Variants in TXLNB observed in about 807,000 individuals in gnomAD.
TXLNB encodes taxilin beta.
A neutral mutation model predicts 57.4 loss-of-function variants in TXLNB; 37 were observed. The observed-to-expected ratio is 0.64, with a 90% CI of 0.50 to 0.85. The LOEUF is 0.85. TXLNB is among the 40% of genes least tolerant of loss of function. The probability of loss-of-function intolerance (pLI) is 0.00; values close to 1 mark genes in which losing one functional copy is unlikely to be tolerated. For missense variants in TXLNB, 848 were observed against 825.6 expected, an observed-to-expected ratio of 1.03 and a Z score of -0.33; for synonymous variants, 302 against 309.6, an observed-to-expected ratio of 0.98 and a Z score of 0.26.
At chr6:139,323,860 G>A in the TXLNB span, among the ~76,000 whole-genome samples, 2 of 152,132 alleles carry the variant, frequency 1.3e-5, no homozygotes, top group Non-Finnish European at 2.9e-5. Context: ...CTCAAAATTA[G>A]GCAGCTGTGG....
At chr6:139,313,206 G>A in the TXLNB span, among the ~76,000 whole-genome samples, 1 of 151,842 alleles carries the variant, frequency 6.6e-6, no homozygotes, top group Admixed American at 6.6e-5. Flanking sequence ...CCGAGTAGCT[G>A]GGACTACAGG....
chr6:139,260,557 A>C, intron 5 of TXLNB, 120 bp from the exon 6 acceptor site: 2 of 1,096,072 alleles, frequency 1.8e-6, no homozygotes, highest in Non-Finnish European at 1.3e-6. Context: ...GAAGAGAGGG[A>C]TAAATGCATT....
intron 2 of TXLNB, among the ~76,000 whole-genome samples, chr6:139,284,397 A>G (rs1383798339): frequency 2.1e-5 from 3 of 144,592 alleles, no homozygotes; most frequent in Non-Finnish European, 1.5e-5. Flanking sequence ...GCATGGTGGC[A>G]CATGCCTGTA....
the TXLNB span, among the ~76,000 whole-genome samples, chr6:139,230,422 G>A: frequency 6.6e-6 from 1 of 152,130 alleles, no homozygotes; most frequent in African/African-American, 2.4e-5. Context: ...AACTATTCAG[G>A]GGCTTGATTT....
chr6:139,222,435 A>T, the TXLNB span, among the ~76,000 whole-genome samples: 3 of 152,228 alleles, frequency 2.0e-5, no homozygotes, highest in African/African-American at 7.2e-5. Flanking sequence ...CCAATCCAAC[A>T]TAAAGATATC....
chr6:139,225,076 G>T, the TXLNB span, among the ~76,000 whole-genome samples: 2 of 152,014 alleles, frequency 1.3e-5, no homozygotes, highest in African/African-American at 2.4e-5. Flanking sequence ...TAACAGAAGA[G>T]AAAAATCATG....
At chr6:139,285,305 C>G (rs2114629745) in intron 2 of TXLNB, among the ~76,000 whole-genome samples, 1 of 127,672 alleles carries the variant, frequency 7.8e-6, no homozygotes, top group East Asian at 2.3e-4. Flanking sequence ...CACACACACA[C>G]CCCAATTCTT....
chr6:139,318,269 C>CAAAA, the TXLNB span, among the ~76,000 whole-genome samples: 10 of 56,606 alleles, frequency 1.8e-4, no homozygotes, highest in African/African-American at 3.4e-4. Context: ...GACTCTGTCT[C>CAAAA]AAAAAAAAAA....
chr6:139,280,705 TTCA>T (rs1237579439), intron 2 of TXLNB, among the ~76,000 whole-genome samples: 2 of 152,176 alleles, frequency 1.3e-5, no homozygotes, highest in Non-Finnish European at 2.9e-5. Flanking sequence ...GGGGTTAAAT[TTCA>T]TTATAAATAC....
the TXLNB span, among the ~76,000 whole-genome samples, chr6:139,220,353 T>A: frequency 4.6e-5 from 7 of 152,370 alleles, no homozygotes; most frequent in Non-Finnish European, 7.3e-5. Flanking sequence ...TTAATTTCTA[T>A]TTAATTCAAA....
At chr6:139,171,840 T>G in the TXLNB span, among the ~76,000 whole-genome samples, 20 of 151,992 alleles carry the variant, frequency 1.3e-4, no homozygotes, top group East Asian at 2.1e-3. Flanking sequence ...TGTTGTGTTT[T>G]TTTTTTTTGT....
the TXLNB span, among the ~76,000 whole-genome samples, chr6:139,207,874 G>T: frequency 6.6e-6 from 1 of 152,198 alleles, no homozygotes; most frequent in Non-Finnish European, 1.5e-5. Flanking sequence ...CCAGGAAGTT[G>T]AGACCAGCCT....
intron 2 of TXLNB, among the ~76,000 whole-genome samples, chr6:139,279,368 G>T (rs1583023705): frequency 6.6e-6 from 1 of 152,126 alleles, no homozygotes; most frequent in African/African-American, 2.4e-5. Flanking sequence ...TGTATAGAAG[G>T]TTAACATCCA....
At chr6:139,283,038 A>G (rs1160649128) in intron 2 of TXLNB, 1 of 145,522 alleles carries the variant, frequency 6.9e-6, no homozygotes, top group Non-Finnish European at 1.5e-5. Flanking sequence ...CAAAGGGGAT[A>G]CTTTAGATGT....
At chr6:139,184,735 T>C in the TXLNB span, among the ~76,000 whole-genome samples, 4 of 152,212 alleles carry the variant, frequency 2.6e-5, no homozygotes, top group African/African-American at 9.6e-5. Context: ...TGACTAACTT[T>C]TCTAACAGTT....
chr6:139,220,962 T>G, the TXLNB span, among the ~76,000 whole-genome samples: 1 of 152,172 alleles, frequency 6.6e-6, no homozygotes, highest in Admixed American at 6.5e-5. Context: ...CTGCTTCTTG[T>G]AAGGGTAGAA....
chr6:139,223,102 A>G, the TXLNB span, among the ~76,000 whole-genome samples: 1 of 152,258 alleles, frequency 6.6e-6, no homozygotes, highest in South Asian at 2.1e-4. Context: ...GTTTCGAATG[A>G]TTTAAATCAT....
At chr6:139,303,917 CTTTG>C in the TXLNB span, among the ~76,000 whole-genome samples, 143 of 146,660 alleles carry the variant, frequency 9.8e-4, 1 homozygote, top group Non-Finnish European at 1.7e-3. Flanking sequence ...ACATCTCAGT[CTTTG>C]TTTGGCCCAG....
intron 2 of TXLNB, chr6:139,287,015 G>A (rs1424595048): frequency 2.0e-5 from 3 of 153,034 alleles, no homozygotes; most frequent in Non-Finnish European, 2.9e-5. Flanking sequence ...CCCAGTCCAT[G>A]GAAAAACTGT....
Sources: allele counts gnomAD v4.1 joint callset (sites outside exome capture counted in the v4.1 genomes callset), GRCh38; gene constraint gnomAD v4.1.1; transcripts MANE v1.5; gene names NCBI Gene and HGNC (gene_info 2026-07-23, HGNC 2026-07-21).